The following ACOT1 variants were observed in gnomAD, a reference collection of about 807,000 sequenced individuals.
The protein encoded by ACOT1 is acyl-coenzyme A thioesterase 1.
In ACOT1, 8 loss-of-function variants were observed where a neutral mutation model predicts 15.7. The ratio of observed to expected loss-of-function variants is 0.51; its 90% CI spans 0.30 to 0.92. The LOEUF (loss-of-function observed/expected upper bound fraction) is 0.92. Ranked by LOEUF, ACOT1 falls within the 40% of genes least tolerant of loss-of-function variation. The pLI is 0.06. For missense variants in ACOT1, 151 were observed against 539.4 expected (o/e 0.28, Z 7.13); for synonymous variants, 67 against 241.2 (o/e 0.28, Z 6.69).
the ACOT1 span, chr14:73,495,457 A>C: frequency 7.7e-7 from 1 of 1,304,254 alleles, no homozygotes; most frequent in Non-Finnish European, 1.1e-6. Context: ...TTATCAAAAA[A>C]CATTAATAAA....
the ACOT1 span, chr14:73,508,187 C>T: frequency 1.2e-6 from 2 of 1,614,098 alleles, no homozygotes; most frequent in African/African-American, 1.3e-5. Context: ...TCAGTGTCCT[C>T]ATTCTTCTTT....
the ACOT1 span, among the ~76,000 whole-genome samples, chr14:73,513,489 G>T: frequency 4.0e-5 from 6 of 151,460 alleles, no homozygotes; most frequent in Non-Finnish European, 5.9e-5. Context: ...TGGCGCGGTG[G>T]CCAAGGCGGG....
chr14:73,517,412 C>T, the ACOT1 span: 1 of 152,318 alleles, frequency 6.6e-6, no homozygotes, highest in African/African-American at 2.4e-5. Context: ...GAGAGTGGCT[C>T]ATGCCTGTAG....
the ACOT1 span, chr14:73,527,329 C>T: frequency 6.6e-6 from 1 of 151,458 alleles, no homozygotes; most frequent in Non-Finnish European, 1.5e-5. Context: ...GTGACCAATC[C>T]AGGAGTGACA....
the ACOT1 span, among the ~76,000 whole-genome samples, chr14:73,518,763 G>A: frequency 6.6e-6 from 1 of 152,186 alleles, no homozygotes; most frequent in Non-Finnish European, 1.5e-5. Context: ...TTGGTAACTA[G>A]TGGCCCTAAA....
At chr14:73,517,938 T>G in the ACOT1 span, among the ~76,000 whole-genome samples, 1 of 151,916 alleles carries the variant, frequency 6.6e-6, no homozygotes, top group Admixed American at 6.6e-5. Flanking sequence ...ATACAAAAAT[T>G]AGCTGGGTGT....
the ACOT1 span, among the ~76,000 whole-genome samples, chr14:73,498,816 A>T: frequency 6.6e-6 from 1 of 152,250 alleles, no homozygotes; most frequent in Non-Finnish European, 1.5e-5. Context: ...CTTGGAACTT[A>T]TCCTTAATTC....
the ACOT1 span, among the ~76,000 whole-genome samples, chr14:73,502,469 TA>T: frequency 2.0e-4 from 30 of 152,282 alleles, no homozygotes; most frequent in African/African-American, 7.0e-4. Flanking sequence ...TAGGGACTGT[TA>T]ATTTTTTACA....
the ACOT1 span, among the ~76,000 whole-genome samples, chr14:73,525,610 C>T: frequency 2.6e-5 from 4 of 152,128 alleles, no homozygotes; most frequent in Admixed American, 6.6e-5. Flanking sequence ...ACCCCTCCAG[C>T]GATTGTCTCC....
the ACOT1 span, chr14:73,491,959 G>A: frequency 6.2e-7 from 1 of 1,613,910 alleles, no homozygotes; most frequent in Admixed American, 1.7e-5. Flanking sequence ...TTTTGGCTGT[G>A]CTTCAAGAGC....
chr14:73,492,016 C>T, the ACOT1 span: 1 of 1,614,042 alleles, frequency 6.2e-7, no homozygotes, highest in Non-Finnish European at 8.5e-7. The surrounding 1 kb of genome is among the most constrained non-coding windows in gnomAD (Gnocchi z 4.9). Context: ...CGCCCCCTAA[C>T]TCGCAGGGCT....
the ACOT1 span, among the ~76,000 whole-genome samples, chr14:73,499,342 A>G: frequency 6.6e-6 from 1 of 152,130 alleles, no homozygotes; most frequent in African/African-American, 2.4e-5. Flanking sequence ...TTAGCCGGGC[A>G]TGGTGTCACA....
chr14:73,519,271 A>AG, the ACOT1 span: 2 of 1,130,002 alleles, frequency 1.8e-6, no homozygotes, highest in African/African-American at 3.1e-5. Flanking sequence ...CCCTAATCTA[A>AG]GCCCCTAGGA....
At chr14:73,503,099 T>C in the ACOT1 span, 3 of 1,036,104 alleles carry the variant, frequency 2.9e-6, no homozygotes, top group Non-Finnish European at 4.5e-6. Flanking sequence ...CTTCTTTTTT[T>C]ACTCATCACT....
rs1357964604 is a variant in ACOT1, at chr14:73,538,506, G to A, written c.457+628G>A. 1.8e-5 allele frequency among the ~76,000 whole-genome samples: 2 copies of A among 110,426 alleles called. 1 individual carries two copies. The highest frequency in any genetic ancestry group is 2.1e-4 in the Admixed American group (2 of 9,684). The allele number at this position is 110,426 out of a possible 152,430, so 72.4% of individuals were successfully genotyped here. On this transcript the variant is annotated intron_variant, in intron 1 of 2. Transcript: ENST00000311148. ...CGGGCGCCTGTCGTCCCAGCTACTC[G>A]GGACGCTGAGGCAGAAGAATGGCAT...
the ACOT1 span, chr14:73,530,647 T>C: frequency 3.0e-4 from 33 of 108,924 alleles, 8 homozygotes; most frequent in African/African-American, 9.0e-4. Context: ...GATTTGTTTT[T>C]TGTTTGTTTG....
chr14:73,522,321 G>T, the ACOT1 span: 1 of 1,614,218 alleles, frequency 6.2e-7, no homozygotes, highest in Non-Finnish European at 8.5e-7. Context: ...TCCTGTGGGG[G>T]CAGGATGACA....
the ACOT1 span, among the ~76,000 whole-genome samples, chr14:73,506,804 G>GTTTTTTTTTTTTTTTTGT: frequency 1.2e-5 from 1 of 80,522 alleles, no homozygotes; most frequent in Non-Finnish European, 2.2e-5. Flanking sequence ...GACTTTAACT[G>GTTTTTTTTTTTTTTTTGT]TTTTTTTTTT....
At chr14:73,492,779 T>C in the ACOT1 span, 23 of 1,613,818 alleles carry the variant, frequency 1.4e-5, no homozygotes, top group African/African-American at 5.3e-5. The surrounding 1 kb of genome is among the most constrained non-coding windows in gnomAD (Gnocchi z 4.9). Flanking sequence ...CTTGGAAATA[T>C]ACCCCCAGCA....
Sources: gnomAD v4.1 joint callset for allele counts (sites outside exome capture counted in the v4.1 genomes callset) on GRCh38, gnomAD v4.1.1 for gene constraint, Gnocchi (gnomAD v3.1) non-coding constraint, MANE v1.5 for transcripts, NCBI Gene and HGNC (gene_info 2026-07-23, HGNC 2026-07-21) for gene names.